The following PRKCE variants were observed in gnomAD, a reference collection of about 807,000 sequenced individuals.
The protein encoded by PRKCE is protein kinase C epsilon, also known as protein kinase C epsilon type.
In PRKCE, 16 loss-of-function variants were observed where a neutral mutation model predicts 85.4. That is an observed-to-expected ratio of 0.19 (90% CI 0.13 to 0.28). The LOEUF (loss-of-function observed/expected upper bound fraction) is 0.28. PRKCE is among the 10% of genes least tolerant of loss of function. The pLI, the probability that PRKCE is intolerant of heterozygous loss-of-function variation, is 1.00. For synonymous variants in PRKCE, 388 were observed against 371.5 expected, an observed-to-expected ratio of 1.04 and a Z score of -0.51; for missense variants, 573 against 975.2, an observed-to-expected ratio of 0.59 and a Z score of 5.49.
At chr2:45,860,513 C>G (rs1025383432) in intron 2 of PRKCE, among the ~76,000 whole-genome samples, 1 of 152,172 alleles carries the variant, frequency 6.6e-6, no homozygotes, top group African/African-American at 2.4e-5. Flanking sequence ...TTTCTTTGCC[C>G]TTCTGTATGG....
At chr2:45,807,409 G>T (rs1461177869) in intron 1 of PRKCE, among the ~76,000 whole-genome samples, 1 of 152,220 alleles carries the variant, frequency 6.6e-6, no homozygotes, top group Non-Finnish European at 1.5e-5. Flanking sequence ...CTCTCAAAAG[G>T]CGATGTGTTT....
intron 2 of PRKCE, among the ~76,000 whole-genome samples, chr2:45,938,825 C>G (rs1405284023): frequency 6.6e-6 from 1 of 152,184 alleles, no homozygotes; most frequent in Non-Finnish European, 1.5e-5. Flanking sequence ...AAACATTGGC[C>G]CTATTCCTGA....
At chr2:45,808,050 G>C (rs974932514) in intron 1 of PRKCE, among the ~76,000 whole-genome samples, 6 of 152,090 alleles carry the variant, frequency 3.9e-5, no homozygotes, top group Non-Finnish European at 5.9e-5. Flanking sequence ...AGCGCTCCCA[G>C]ACTGTTGCTG....
intron 2 of PRKCE, among the ~76,000 whole-genome samples, chr2:45,936,110 A>G (rs1041052158): frequency 2.0e-5 from 3 of 152,226 alleles, no homozygotes; most frequent in Middle Eastern, 3.4e-3. Context: ...TCACCCTAGG[A>G]GGGCAGGCAC....
intron 1 of PRKCE, among the ~76,000 whole-genome samples, chr2:45,724,730 A>G (rs950815917): frequency 2.6e-5 from 4 of 152,272 alleles, no homozygotes; most frequent in Non-Finnish European, 4.4e-5. Context: ...CAAACCAGCC[A>G]CAACATTCCC....
Position 45,652,778 on chromosome 2 carries a change from G to A in PRKCE, c.348+330G>A, listed in dbSNP as rs894414457. The stretch of plus-strand genomic sequence containing the variant: ...GGACCCGGCTTTCTTCCGCAGGCGC[G>A]TGGTGGGCTGGCTGTGTGTGATTGT... On this transcript the variant is annotated intron_variant, in intron 1 of 14. Coordinates refer to ENST00000306156, the MANE Select transcript of PRKCE (RefSeq NM_005400.3). This position sits in a 1 kb window ranked among gnomAD's most constrained non-coding sequence, Gnocchi z 7.7. 6.6e-6 allele frequency among the ~76,000 whole-genome samples: 1 copy of A among 152,218 alleles called. No individual in the cohort carries two copies. Among genetic ancestry groups the A allele is most frequent in the African/African-American group, 2.4e-5 (1 of 41,450 alleles).
intron 10 of PRKCE, among the ~76,000 whole-genome samples, chr2:46,024,856 C>T (rs1706973696): frequency 1.3e-5 from 2 of 152,088 alleles, no homozygotes; most frequent in Non-Finnish European, 2.9e-5. Flanking sequence ...TTTCTAGATT[C>T]ACCAGTGTTA....
chr2:46,150,468 G>A (rs1676510925), intron 12 of PRKCE, among the ~76,000 whole-genome samples: 2 of 152,204 alleles, frequency 1.3e-5, no homozygotes, highest in Non-Finnish European at 2.9e-5. Context: ...GAATATGCAA[G>A]AGTATAGTGG....
At chr2:45,806,510 G>C (rs142240800) in intron 1 of PRKCE, among the ~76,000 whole-genome samples, 18 of 152,306 alleles carry the variant, frequency 1.2e-4, no homozygotes, top group African/African-American at 4.3e-4. Flanking sequence ...TTGTTGTGCA[G>C]CCATCACCAC....
intron 10 of PRKCE, among the ~76,000 whole-genome samples, chr2:46,040,596 G>A (rs1708160807): frequency 6.6e-6 from 1 of 152,144 alleles, no homozygotes; most frequent in African/African-American, 2.4e-5. Flanking sequence ...TGTAGGGAGA[G>A]CCCCACACCA....
At position 45,652,555 on chromosome 2, in the gene PRKCE, G is replaced by C; in HGVS notation, c.348+107G>C. 9.4e-7 allele frequency: 1 copy of C among 1,066,740 alleles called. No individual in the cohort carries two copies. Among genetic ancestry groups the C allele is most frequent in the Non-Finnish European group, 1.3e-6 (1 of 759,868 alleles). 66.1% of individuals were successfully genotyped at this position (1,066,740 alleles called of 1,614,324 possible). ...TCCGGGACTTATTGACGACTGGGGT[G>C]TGTGTGCCTGTAAGTCTCAGTTTCC... On this transcript the variant is annotated intron_variant, in intron 1 of 14. Transcript: ENST00000306156. This position sits in a 1 kb window ranked among gnomAD's most constrained non-coding sequence, Gnocchi z 7.7.
chr2:46,133,997 C>T (rs971315985), intron 11 of PRKCE, among the ~76,000 whole-genome samples: 1 of 152,158 alleles, frequency 6.6e-6, no homozygotes, highest in Non-Finnish European at 1.5e-5. Context: ...GGTTCTCTTC[C>T]TGAGTATAAT....
chr2:45,772,318 G>A (rs1685405549), intron 1 of PRKCE, among the ~76,000 whole-genome samples: 1 of 151,844 alleles, frequency 6.6e-6, no homozygotes, highest in Non-Finnish European at 1.5e-5. Context: ...AAGATAGGGA[G>A]TAAAAGTAAC....
chr2:45,879,856 TC>T (rs1694755011), intron 2 of PRKCE, among the ~76,000 whole-genome samples: 1 of 152,252 alleles, frequency 6.6e-6, no homozygotes, highest in Admixed American at 6.5e-5. Flanking sequence ...ATCCACAATC[TC>T]AAACACTTAT....
chr2:45,852,243 G>T (rs1291585257), intron 2 of PRKCE, among the ~76,000 whole-genome samples: 1 of 152,138 alleles, frequency 6.6e-6, no homozygotes, highest in Non-Finnish European at 1.5e-5. Flanking sequence ...TGAAAATAGT[G>T]GTGATGTTTA....
In PRKCE at chr2:46,005,513, G is replaced by A. The variant is rs188823006; in HGVS notation, c.1063+875G>A. On this transcript the variant is annotated intron_variant, in intron 8 of 14. Transcript: ENST00000306156. ...TTGGTGCTTCATTACTGTCCCCCAG[G>A]TTAGTGAGTGGGAAGTGGGAGGTCA... Among the ~76,000 whole-genome samples the A allele has an allele frequency of 1.1e-3, 172 of 152,250 alleles. 2 individuals are homozygous for A. Among genetic ancestry groups the A allele is most frequent in the African/African-American group, 3.7e-3 (155 of 41,544 alleles).
At chr2:46,149,798 A>G (rs1205542396) in intron 12 of PRKCE, among the ~76,000 whole-genome samples, 1 of 150,758 alleles carries the variant, frequency 6.6e-6, no homozygotes, top group African/African-American at 2.4e-5. Flanking sequence ...TGTGTGTATC[A>G]TGTATTTATG....
At chr2:45,953,642 T>G (rs1480738497) in intron 2 of PRKCE, among the ~76,000 whole-genome samples, 3 of 152,220 alleles carry the variant, frequency 2.0e-5, no homozygotes, top group African/African-American at 7.2e-5. Context: ...TACTTTTTAA[T>G]TGCGCCCCCA....
intron 2 of PRKCE, among the ~76,000 whole-genome samples, chr2:45,975,246 G>T (rs1702370747): frequency 6.6e-6 from 1 of 152,220 alleles, no homozygotes; most frequent in Admixed American, 6.5e-5. Flanking sequence ...AACACACTTA[G>T]CATAGCACTT....
Sources: allele counts gnomAD v4.1 joint callset (sites outside exome capture counted in the v4.1 genomes callset), GRCh38; gene constraint gnomAD v4.1.1; non-coding constraint Gnocchi (gnomAD v3.1); transcripts MANE v1.5; gene names NCBI Gene and HGNC (gene_info 2026-07-23, HGNC 2026-07-21).